Variants in DIAPH2 observed in about 807,000 individuals in gnomAD.
The protein encoded by DIAPH2 is protein diaphanous homolog 2.
DIAPH2 carries 35 observed loss-of-function variants against 92.7 expected under a neutral mutation model. The ratio of observed to expected loss-of-function variants is 0.38; its 90% CI spans 0.29 to 0.50. The LOEUF is 0.50. Ranked by LOEUF, DIAPH2 falls within the 20% of genes least tolerant of loss-of-function variation. DIAPH2 has a pLI of 0.94. For missense variants in DIAPH2, 701 were observed against 819.5 expected (o/e 0.86, Z 1.77); for synonymous variants, 301 against 280.4 (o/e 1.07, Z -0.73).
intron 26 of DIAPH2, among the ~76,000 whole-genome samples, chrX:97,530,788 C>T (rs2071054657): frequency 9.0e-6 from 1 of 111,388 alleles, no homozygotes; most frequent in South Asian, 3.8e-4. Context: ...GAGAATCTCT[C>T]CAAGGAACTG....
At chrX:97,306,152 A>G (rs1250506675) in intron 23 of DIAPH2, among the ~76,000 whole-genome samples, 1 of 111,684 alleles carries the variant, frequency 9.0e-6, no homozygotes, top group East Asian at 2.8e-4. Context: ...CAGCAAATCC[A>G]AACCCATCAT....
At position 97,065,492 on chromosome X, in the gene DIAPH2, C is replaced by T. The variant is rs758719300; in HGVS notation, c.2051-7449C>T. 4.5e-5 allele frequency among the ~76,000 whole-genome samples: 5 copies of T among 111,551 alleles called. No homozygotes were observed. The South Asian group carries it at 1.9e-3, about 42-fold the overall frequency. On this transcript the variant is annotated intron_variant, in intron 17 of 26. Coordinates refer to ENST00000324765, the MANE Select transcript of DIAPH2 (RefSeq NM_006729.5). ...ATGTAGCCATTGTAACATTCTAGTG[C>T]AATGCATTACTCACATGTTTGTGGT...
At chrX:97,198,706 G>A (rs1475683202) in intron 22 of DIAPH2, among the ~76,000 whole-genome samples, 1 of 110,864 alleles carries the variant, frequency 9.0e-6, no homozygotes, top group Non-Finnish European at 1.9e-5. Flanking sequence ...AGTTAGCACA[G>A]TGCTGACTAT....
chrX:97,047,771 T>A (rs2066494654), intron 17 of DIAPH2, among the ~76,000 whole-genome samples: 1 of 108,838 alleles, frequency 9.2e-6, no homozygotes, highest in Admixed American at 9.9e-5. Context: ...AGGGATCCTC[T>A]GACTTTGTTC....
chrX:97,015,279 C>T (rs1490960168), intron 17 of DIAPH2, among the ~76,000 whole-genome samples: 1 of 111,456 alleles, frequency 9.0e-6, no homozygotes, highest in Non-Finnish European at 1.9e-5. Flanking sequence ...TATATGGGAA[C>T]CAATTAAAAA....
At chrX:96,958,594 C>T (rs184472612) in intron 16 of DIAPH2, among the ~76,000 whole-genome samples, 1 of 111,715 alleles carries the variant, frequency 9.0e-6, no homozygotes, top group East Asian at 2.8e-4. Flanking sequence ...TTCAGATCTT[C>T]TCTTCTAGTT....
chrX:96,738,698 T>C lies in DIAPH2; in HGVS notation c.278T>C (p.Leu93Ser), dbSNP rs376622962. 6 of 1,207,739 alleles carry C rather than the reference T, an allele frequency of 5.0e-6. No individual in the cohort carries two copies. In the African/African-American group the frequency reaches 1.1e-4, roughly 21 times the overall value. Residue 93 changes from leucine to serine, a missense_variant, in exon 3 of 27, where the codon TTA becomes TCA. By Grantham distance (145) the Leu-to-Ser change is moderately radical. Around this residue, in one of 3 missense-constraint regions of DIAPH2, gnomAD observed 131 missense variants for 145.6 expected, o/e 0.90. Transcript: ENST00000324765. ...AMSEFPAAQP[L>S]YDERSLNLSE... is the part of the protein sequence containing the mutation. ...AGTGAGTTTCCTGCAGCTCAGCCATTATATGATGAACGATCTTTGAATTTG... is the reference window on the plus strand; with the variant it reads ...AGTGAGTTTCCTGCAGCTCAGCCATCATATGATGAACGATCTTTGAATTTG...
chrX:97,502,993 T>C (rs942293212), intron 26 of DIAPH2, among the ~76,000 whole-genome samples: 3 of 112,058 alleles, frequency 2.7e-5, no homozygotes, highest in Non-Finnish European at 5.6e-5. Flanking sequence ...TGCAGGAAAA[T>C]ATTGTATTCC....
At chrX:96,796,172 AGTTTTGTTTT>A (rs780958991) in intron 4 of DIAPH2, among the ~76,000 whole-genome samples, 5 of 110,143 alleles carry the variant, frequency 4.5e-5, no homozygotes, top group Admixed American at 9.6e-5. Context: ...TTTTATTTTT[AGTTTTGTTTT>A]GTTTTGTTTT....
chrX:96,770,197 CA>C (rs539855244), intron 4 of DIAPH2, among the ~76,000 whole-genome samples: 2,409 of 54,591 alleles, frequency 0.044, 36 homozygotes, highest in African/African-American at 0.071. Flanking sequence ...GACTGTGTCT[CA>C]AAAAAAAAAA....
intron 22 of DIAPH2, among the ~76,000 whole-genome samples, chrX:97,223,654 C>T (rs2067943076): frequency 9.0e-6 from 1 of 111,032 alleles, no homozygotes; most frequent in Non-Finnish European, 1.9e-5. Context: ...ATTTCTAGGG[C>T]AATTGATATT....
At chrX:97,435,061 T>C (rs1395851191) in intron 26 of DIAPH2, among the ~76,000 whole-genome samples, 3 of 110,753 alleles carry the variant, frequency 2.7e-5, no homozygotes, top group Non-Finnish European at 3.8e-5. Flanking sequence ...AAGAGGGAAG[T>C]CCTAAGAAGG....
intron 5 of DIAPH2, among the ~76,000 whole-genome samples, chrX:96,908,957 G>A (rs2065452232): frequency 1.8e-5 from 2 of 111,738 alleles, no homozygotes; most frequent in Admixed American, 9.5e-5. Context: ...ATGGTTGGGA[G>A]GGCATGTAAA....
chrX:97,086,943 G>A (rs190048446), intron 19 of DIAPH2, among the ~76,000 whole-genome samples: 239 of 111,255 alleles, frequency 2.1e-3, no homozygotes, highest in African/African-American at 7.6e-3. Context: ...GCAATAAAAA[G>A]TAGTAACAGA....
At chrX:96,778,663 A>G (rs1253326154) in intron 4 of DIAPH2, among the ~76,000 whole-genome samples, 1 of 111,923 alleles carries the variant, frequency 8.9e-6, no homozygotes, top group African/African-American at 3.2e-5. Context: ...AGGATTGCAC[A>G]TTACATTTAT....
chrX:97,558,013 A>G (rs767516626), intron 26 of DIAPH2, among the ~76,000 whole-genome samples: 1 of 112,623 alleles, frequency 8.9e-6, no homozygotes, highest in Admixed American at 9.4e-5. Context: ...TGTCAATGCT[A>G]GTTCCTAGAC....
intron 5 of DIAPH2, among the ~76,000 whole-genome samples, chrX:96,890,613 C>T (rs1043854921): frequency 9.0e-6 from 1 of 110,657 alleles, no homozygotes; most frequent in Admixed American, 9.7e-5. Context: ...TTCAGCCCCT[C>T]GTAAAATTTA....
At chrX:97,328,483 A>AT (rs2068970235) in intron 23 of DIAPH2, among the ~76,000 whole-genome samples, 1 of 111,269 alleles carries the variant, frequency 9.0e-6, no homozygotes, top group Admixed American at 9.6e-5. Flanking sequence ...TTAGCTCCTT[A>AT]AATTATAAGT....
chrX:97,544,122 G>A (rs2071161907), intron 26 of DIAPH2, among the ~76,000 whole-genome samples: 1 of 111,387 alleles, frequency 9.0e-6, no homozygotes, highest in East Asian at 2.8e-4. Context: ...AGCACAAGAA[G>A]TGCCCTTCCC....
Sources: allele counts gnomAD v4.1 joint callset (sites outside exome capture counted in the v4.1 genomes callset), GRCh38; gene constraint gnomAD v4.1.1; regional missense constraint gnomAD v4.1.1; transcripts MANE v1.5; gene names NCBI Gene and HGNC (gene_info 2026-07-23, HGNC 2026-07-21).